GALNT18: variants seen among roughly 807,000 people sequenced by gnomAD.
GALNT18 encodes the protein GalNAc-transferase 18.
GALNT18 carries 44 observed loss-of-function variants against 69.5 expected under a neutral mutation model. The observed-to-expected ratio is 0.63, with a 90% CI of 0.50 to 0.81. The LOEUF (loss-of-function observed/expected upper bound fraction) is 0.81. GALNT18 is among the 40% of genes least tolerant of loss of function. The pLI is 0.00. For missense variants in GALNT18, 715 were observed against 810.0 expected (o/e 0.88, Z 1.42); for synonymous variants, 364 against 318.2 (o/e 1.14, Z -1.53).
intron 3 of GALNT18, among the ~76,000 whole-genome samples, chr11:11,429,081 C>T (rs1258054047): frequency 6.6e-6 from 1 of 152,242 alleles, no homozygotes; most frequent in Middle Eastern, 3.2e-3. Context: ...TTATCTTCAT[C>T]TGGCTTCGAC....
chr11:11,276,105 C>T (rs1454286820), intron 10 of GALNT18, among the ~76,000 whole-genome samples: 1 of 152,162 alleles, frequency 6.6e-6, no homozygotes, highest in Admixed American at 6.5e-5. Context: ...AGCACTGAAT[C>T]TACAAATTGC....
chr11:11,434,421 G>A (rs984240092), intron 2 of GALNT18, among the ~76,000 whole-genome samples: 1 of 152,294 alleles, frequency 6.6e-6, no homozygotes, highest in Admixed American at 6.5e-5. Flanking sequence ...AGCAGGAAGT[G>A]GACACAGTCC....
In GALNT18 at chr11:11,382,420, T is replaced by C. The variant is rs1225502027; in HGVS notation, c.596-3156A>G. 6.6e-6 allele frequency among the ~76,000 whole-genome samples: 1 copy of C among 152,218 alleles called. No homozygotes were observed. The highest frequency in any genetic ancestry group is 2.4e-5 in the African/African-American group (1 of 41,454). On this transcript the variant is annotated intron_variant, in intron 3 of 10. Transcript: ENST00000227756. This position sits in a 1 kb window ranked among gnomAD's most constrained non-coding sequence, Gnocchi z 4.3. ...TGGAAAATTGCTTTCCAAAACACTGTCCATTGTATATTATATATATTGACT... is the reference window on the plus strand; with the variant it reads ...TGGAAAATTGCTTTCCAAAACACTGCCCATTGTATATTATATATATTGACT...
At position 11,587,372 on chromosome 11, in the gene GALNT18, T is replaced by C. The variant is rs1859252235; in HGVS notation, c.235+33987A>G. Among the ~76,000 whole-genome samples the C allele has an allele frequency of 6.6e-6, 1 of 152,216 alleles. No homozygotes were observed. Among genetic ancestry groups the C allele is most frequent in the South Asian group, 2.1e-4 (1 of 4,830 alleles). ...GATTCCCATGTCAGTACGCCACGTA[T>C]GCTGACCCCATCAGCAAAGCAGGCT... On this transcript the variant is annotated intron_variant, in intron 1 of 10. Coordinates refer to ENST00000227756, the MANE Select transcript of GALNT18 (RefSeq NM_198516.3). The surrounding 1 kb of genome is among the most constrained non-coding windows in gnomAD (Gnocchi z 4.4).
chr11:11,513,514 A>G (rs1857205338), intron 1 of GALNT18, among the ~76,000 whole-genome samples: 1 of 152,210 alleles, frequency 6.6e-6, no homozygotes, highest in South Asian at 2.1e-4. Flanking sequence ...GCACATCTCA[A>G]AGAGGACTTA....
chr11:11,312,325 A>G (rs1020767944), intron 9 of GALNT18, among the ~76,000 whole-genome samples: 3 of 152,258 alleles, frequency 2.0e-5, no homozygotes, highest in Non-Finnish European at 4.4e-5. Context: ...GGATAACATA[A>G]ACAGTTAACA....
chr11:11,305,189 AT>A (rs1849559140), intron 9 of GALNT18, among the ~76,000 whole-genome samples: 6 of 152,048 alleles, frequency 3.9e-5, no homozygotes, highest in Admixed American at 3.3e-4. Flanking sequence ...GGCCTGCAAT[AT>A]CTTGGTAGAC....
Position 11,376,380 on chromosome 11 carries a change from T to TCAAAACCAAAAACAAAAA in GALNT18, c.977+801_977+802insTTTTTGTTTTTGGTTTTG, listed in dbSNP as rs1853758284. On this transcript the variant is annotated intron_variant, in intron 5 of 10. Transcript: ENST00000227756. Reference sequence around the variant, plus strand: ...CTGGGTGACAGAGTGAGACTCCGTCTCAAAAACAAAAACAAACACAGACAG... The same window carrying TCAAAACCAAAAACAAAAA: ...CTGGGTGACAGAGTGAGACTCCGTCTCAAAACCAAAAACAAAAACAAAAACAAAAACAAACACAGACAG... Among the ~76,000 whole-genome samples, 3 of 151,062 alleles carry TCAAAACCAAAAACAAAAA rather than the reference T, an allele frequency of 2.0e-5. No homozygotes were observed. In the South Asian group the frequency reaches 6.3e-4, roughly 32 times the overall value.
At chr11:11,420,413 T>C (rs1854978404) in intron 3 of GALNT18, among the ~76,000 whole-genome samples, 1 of 152,200 alleles carries the variant, frequency 6.6e-6, no homozygotes, top group Admixed American at 6.5e-5. Flanking sequence ...CTCATCCGCA[T>C]GCTCCACTTT....
chr11:11,581,150 A>G (rs1376169218), intron 1 of GALNT18, among the ~76,000 whole-genome samples: 9 of 152,210 alleles, frequency 5.9e-5, no homozygotes, highest in South Asian at 2.1e-4. Context: ...TTCCAAAGAC[A>G]TGAGACAAAA....
At position 11,564,097 on chromosome 11, in the gene GALNT18, A is replaced by G. The variant is rs1858583859; in HGVS notation, c.235+57262T>C. The stretch of plus-strand genomic sequence containing the variant: ...CTTACAAGAGCCCAGTGAGTTACGT[A>G]CTGATCTTAACCCCATTTTACAGTT... On this transcript the variant is annotated intron_variant, in intron 1 of 10. Transcript: ENST00000227756. The surrounding 1 kb of genome is among the most constrained non-coding windows in gnomAD (Gnocchi z 4.3). Among the ~76,000 whole-genome samples the G allele has an allele frequency of 6.6e-6, 1 of 152,136 alleles. No homozygotes were observed. Among genetic ancestry groups the G allele is most frequent in the Non-Finnish European group, 1.5e-5 (1 of 68,038 alleles).
At chr11:11,410,067 G>C (rs370974622) in intron 3 of GALNT18, among the ~76,000 whole-genome samples, 1 of 152,128 alleles carries the variant, frequency 6.6e-6, no homozygotes, top group Non-Finnish European at 1.5e-5. Flanking sequence ...CTCTCTGGAC[G>C]GGGCTCCCTG....
chr11:11,271,370 G>GGT, intron 10 of GALNT18, 80 bp from the exon 11 acceptor site: 1 of 1,443,136 alleles, frequency 6.9e-7, no homozygotes, highest in Non-Finnish European at 9.7e-7. Flanking sequence ...CCAAGTGGCT[G>GGT]GTGAGGGCTG....
chr11:11,353,641 C>T (rs929422674), intron 6 of GALNT18, among the ~76,000 whole-genome samples: 2 of 152,192 alleles, frequency 1.3e-5, no homozygotes, highest in East Asian at 1.9e-4. Context: ...AAATCCCACA[C>T]ATATGAATGG....
intron 9 of GALNT18, among the ~76,000 whole-genome samples, chr11:11,300,745 C>T (rs1467084642): frequency 6.6e-6 from 1 of 152,170 alleles, no homozygotes; most frequent in Non-Finnish European, 1.5e-5. Context: ...CTCCTGAATG[C>T]AATCAAGCTA....
chr11:11,375,033 G>A (rs74746246), intron 5 of GALNT18, among the ~76,000 whole-genome samples: 1,802 of 152,294 alleles, frequency 0.012, 45 homozygotes, highest in African/African-American at 0.042. Flanking sequence ...AATTTCTCAC[G>A]TGGATTTTCT....
intron 1 of GALNT18, among the ~76,000 whole-genome samples, chr11:11,456,463 C>T (rs4910006): frequency 0.085 from 12,913 of 152,244 alleles, 624 homozygotes; most frequent in South Asian, 0.16. Flanking sequence ...CGGTGGCAAA[C>T]AGCTGCCGCC....
rs558183272 is a variant in GALNT18, at chr11:11,383,770, T to G, written c.596-4506A>C. On this transcript the variant is annotated intron_variant, in intron 3 of 10. Transcript: ENST00000227756. The surrounding 1 kb of genome is among the most constrained non-coding windows in gnomAD (Gnocchi z 5.2). ...AGTTTCCCACACGCTGTTCTCATGA[T>G]AGTGAGTGAGTTCTCATGAGATCTG... is the stretch of plus-strand genomic sequence containing the variant. 1.3e-5 allele frequency among the ~76,000 whole-genome samples: 2 copies of G among 152,100 alleles called. No individual in the cohort carries two copies. The highest frequency in any genetic ancestry group is 2.9e-5 in the Non-Finnish European group (2 of 67,988).
chr11:11,512,427 C>T (rs994823079), intron 1 of GALNT18, among the ~76,000 whole-genome samples: 5 of 152,198 alleles, frequency 3.3e-5, no homozygotes, highest in Admixed American at 1.3e-4. Context: ...GGATTTCACT[C>T]AGAGATGGAG....
Sources: gnomAD v4.1 joint callset for allele counts (sites outside exome capture counted in the v4.1 genomes callset) on GRCh38, gnomAD v4.1.1 for gene constraint, Gnocchi (gnomAD v3.1) non-coding constraint, MANE v1.5 for transcripts, NCBI Gene and HGNC (gene_info 2026-07-23, HGNC 2026-07-21) for gene names.